Variants in TRDN observed in about 807,000 individuals in gnomAD.
TRDN encodes the protein triadin in skeletal muscle.
TRDN carries 161 observed loss-of-function variants against 149.7 expected under a neutral mutation model. The observed-to-expected ratio is 1.08, with a 90% confidence interval of 0.95 to 1.23. TRDN has a LOEUF of 1.23. Among genes scored for constraint, TRDN ranks in the 50% most tolerant of loss-of-function variants. TRDN has a pLI of 0.00. For missense variants in TRDN, 896 were observed against 823.5 expected (o/e 1.09, Z -1.08); for synonymous variants, 294 against 250.5 (o/e 1.17, Z -1.64).
At chr6:123,612,977 A>C (rs1784893932) in intron 1 of TRDN, among the ~76,000 whole-genome samples, 1 of 152,132 alleles carries the variant, frequency 6.6e-6, no homozygotes, top group African/African-American at 2.4e-5. Context: ...AATTCCACCT[A>C]CTTATCATCA....
rs372372867 is a variant in TRDN, at chr6:123,366,032, T to C, written c.1321+103A>G. 7.7e-5 allele frequency: 79 copies of C among 1,026,030 alleles called. No homozygotes were observed. In the East Asian group the frequency reaches 1.5e-3, roughly 19 times the overall value. 63.6% of individuals were successfully genotyped at this position (1,026,030 alleles called of 1,614,324 possible). A position where few individuals can be genotyped will look rare whatever the true frequency, so the allele number is the denominator to read the frequency against. On this transcript the variant is annotated intron_variant, in intron 20 of 40. Coordinates refer to ENST00000334268, the MANE Select transcript of TRDN (RefSeq NM_006073.4). ...TTTCTATATCAACGAACTAGTAAAA[T>C]CAATAAATAGAGCTCTTTTCTAAGC...
At chr6:123,438,839 G>A in intron 11 of TRDN, 105 bp downstream of exon 11, 1 of 812,356 alleles carries the variant, frequency 1.2e-6, no homozygotes, top group Non-Finnish European at 1.9e-6. Context: ...CAATGACAAT[G>A]CATTTATTAA....
At chr6:123,287,403 A>C (rs1303317893) in intron 24 of TRDN, among the ~76,000 whole-genome samples, 1 of 152,152 alleles carries the variant, frequency 6.6e-6, no homozygotes, top group Non-Finnish European at 1.5e-5. Context: ...ACAATATCAC[A>C]TAAGAACTTA....
At chr6:123,449,918 C>T (rs1486157947) in intron 10 of TRDN, among the ~76,000 whole-genome samples, 1 of 152,154 alleles carries the variant, frequency 6.6e-6, no homozygotes, top group Non-Finnish European at 1.5e-5. Context: ...TATCTTCAGC[C>T]TCCTCAAACA....
At chr6:123,281,473 C>A (rs1777582574) in intron 24 of TRDN, among the ~76,000 whole-genome samples, 1 of 151,862 alleles carries the variant, frequency 6.6e-6, no homozygotes, top group Admixed American at 6.6e-5. Flanking sequence ...TGTGCTCTGG[C>A]TAAATGTAAG....
intron 38 of TRDN, among the ~76,000 whole-genome samples, chr6:123,228,349 AT>A (rs1273558449): frequency 6.6e-6 from 1 of 151,934 alleles, no homozygotes; most frequent in Non-Finnish European, 1.5e-5. Context: ...TCATACTGCC[AT>A]AAAGAACTGC....
At chr6:123,631,840 C>T (rs763520557) in intron 1 of TRDN, among the ~76,000 whole-genome samples, 2 of 151,982 alleles carry the variant, frequency 1.3e-5, no homozygotes, top group South Asian at 4.1e-4. Context: ...CACCCACACC[C>T]CAACTACTTT....
At chr6:123,491,274 C>T (rs1423196490) in intron 9 of TRDN, among the ~76,000 whole-genome samples, 1 of 151,774 alleles carries the variant, frequency 6.6e-6, no homozygotes, top group Non-Finnish European at 1.5e-5. Flanking sequence ...CTAGAAAAAC[C>T]AGAAGTGATA....
intron 12 of TRDN, among the ~76,000 whole-genome samples, chr6:123,427,492 A>G (rs1774171448): frequency 1.3e-5 from 2 of 152,116 alleles, no homozygotes; most frequent in South Asian, 4.1e-4. Context: ...TACCTCCACA[A>G]ATTCAAGAAA....
At chr6:123,456,902 GA>G (rs1179429396) in intron 10 of TRDN, 1 of 455,170 alleles carries the variant, frequency 2.2e-6, no homozygotes, top group Non-Finnish European at 4.4e-6. Flanking sequence ...GGTATAATAG[GA>G]AGAAATATTT....
intron 38 of TRDN, among the ~76,000 whole-genome samples, chr6:123,249,069 A>C (rs181528775): frequency 1.2e-3 from 185 of 152,274 alleles, no homozygotes; most frequent in African/African-American, 4.3e-3. Context: ...CAACATGTGC[A>C]AATCAATAAA....
intron 24 of TRDN, among the ~76,000 whole-genome samples, chr6:123,308,544 G>C (rs937342372): frequency 6.6e-6 from 1 of 151,698 alleles, no homozygotes; most frequent in African/African-American, 2.4e-5. Context: ...CTTCTACTCT[G>C]GACCTCTCGC....
At chr6:123,352,742 T>G (rs1168671801) in intron 20 of TRDN, among the ~76,000 whole-genome samples, 156 bp from the exon 21 acceptor site, 1 of 151,950 alleles carries the variant, frequency 6.6e-6, no homozygotes, top group Non-Finnish European at 1.5e-5. Flanking sequence ...ATAACGCAAT[T>G]GAAACCAGAT....
chr6:123,499,911 T>C (rs1334520280), intron 8 of TRDN, among the ~76,000 whole-genome samples: 1 of 150,886 alleles, frequency 6.6e-6, no homozygotes, highest in African/African-American at 2.4e-5. Flanking sequence ...AGGATGTGTA[T>C]AGGTTATATG....
At chr6:123,357,057 T>C (rs1234843424) in intron 20 of TRDN, among the ~76,000 whole-genome samples, 3 of 151,910 alleles carry the variant, frequency 2.0e-5, no homozygotes, top group African/African-American at 2.4e-5. Context: ...TTCTTAGCTA[T>C]CTTTTATTCC....
chr6:123,247,053 T>G (rs1479772661), intron 38 of TRDN, among the ~76,000 whole-genome samples: 2 of 152,072 alleles, frequency 1.3e-5, no homozygotes, highest in East Asian at 3.9e-4. Context: ...AATTCAACAC[T>G]CCTTCATGCT....
In TRDN at chr6:123,224,034, AC is replaced by A. The variant is rs772166979; in HGVS notation, c.2014+58del. 6 of 1,527,250 alleles carry A rather than the reference AC, an allele frequency of 3.9e-6. No homozygotes were observed. In the Middle Eastern group the frequency reaches 7.5e-4, roughly 190 times the overall value. The allele number at this position is 1,527,250 out of a possible 1,614,324, so 94.6% of individuals were successfully genotyped here. A position where few individuals can be genotyped will look rare whatever the true frequency, so the allele number is the denominator to read the frequency against. On this transcript the variant is annotated intron_variant, in intron 39 of 40. Coordinates refer to ENST00000334268, the MANE Select transcript of TRDN (RefSeq NM_006073.4). Reference sequence around the variant, plus strand: ...GCTAGGAAAAAAAAAAAAAAGACAGACAAAAACCTTATAGCTTTGAGAGAAA... The same window carrying A: ...GCTAGGAAAAAAAAAAAAAAGACAGAAAAAACCTTATAGCTTTGAGAGAAA...
At chr6:123,539,065 T>C (rs748450106) in intron 4 of TRDN, among the ~76,000 whole-genome samples, 2 of 152,202 alleles carry the variant, frequency 1.3e-5, no homozygotes, top group South Asian at 2.1e-4. Context: ...ATGAGAATTA[T>C]CTGGGGAGAT....
intron 1 of TRDN, among the ~76,000 whole-genome samples, chr6:123,591,176 G>C (rs909485828): frequency 6.6e-6 from 1 of 151,978 alleles, no homozygotes; most frequent in Non-Finnish European, 1.5e-5. Context: ...AATTTTGTGA[G>C]AAAAAATATA....
Sources: allele counts gnomAD v4.1 joint callset (sites outside exome capture counted in the v4.1 genomes callset), GRCh38; gene constraint gnomAD v4.1.1; transcripts MANE v1.5; gene names NCBI Gene and HGNC (gene_info 2026-07-23, HGNC 2026-07-21).